The following DTNBP1 variants were observed in gnomAD, a reference collection of about 807,000 sequenced individuals.
DTNBP1 encodes dysbindin.
DTNBP1 carries 35 observed loss-of-function variants against 42.8 expected under a neutral mutation model. That is an observed-to-expected ratio of 0.82 (90% CI 0.63 to 1.09). DTNBP1 has a LOEUF of 1.09. Among genes scored for constraint, DTNBP1 ranks in the 50% least tolerant of loss-of-function variants. The pLI is 0.00. For synonymous variants in DTNBP1, 171 were observed against 162.2 expected, an observed-to-expected ratio of 1.05 and a Z score of -0.41; for missense variants, 457 against 424.2, an observed-to-expected ratio of 1.08 and a Z score of -0.68.
At chr6:15,652,215 T>G (rs1156993612) in intron 1 of DTNBP1, 75 bp from the exon 2 acceptor site, 1 of 1,239,446 alleles carries the variant, frequency 8.1e-7, no homozygotes, top group Non-Finnish European at 1.1e-6. Flanking sequence ...AGGGTCTCAC[T>G]CTGTCGTCCA....
chr6:15,657,713 G>A (rs1761365883), intron 1 of DTNBP1, among the ~76,000 whole-genome samples: 1 of 152,194 alleles, frequency 6.6e-6, no homozygotes, highest in African/African-American at 2.4e-5. Context: ...TATCTGGTTT[G>A]TTCTCTGCTA....
At chr6:15,650,125 G>A (rs1760901750) in intron 3 of DTNBP1, among the ~76,000 whole-genome samples, 1 of 152,160 alleles carries the variant, frequency 6.6e-6, no homozygotes, top group African/African-American at 2.4e-5. Flanking sequence ...AAAGGAAAAT[G>A]TAGGTATCAG....
chr6:15,533,203 G>C, intron 8 of DTNBP1, 37 bp downstream of exon 8: 1 of 1,611,262 alleles, frequency 6.2e-7, no homozygotes, highest in Non-Finnish European at 8.5e-7. Context: ...CGCACAGCCG[G>C]TGAGTCCCCA....
At position 15,627,468 on chromosome 6, in the gene DTNBP1, T is replaced by C; in HGVS notation, c.230A>G (p.Asp77Gly). 6.2e-7 allele frequency: 1 copy of C among 1,613,910 alleles called. No homozygotes were observed. The highest frequency in any genetic ancestry group is 8.5e-7 in the Non-Finnish European group (1 of 1,179,932). The stretch of plus-strand genomic sequence containing the variant: ...CGCAGAAAGCATGACCACCTCGCTA[T>C]CCACCAGCTGCAGCACACAAGAAGG... ...KDCASAGELV[D>G]SEVVMLSAHW... The change falls in exon 5 of 10, where the codon GAT becomes GGT. Residue 77 changes from aspartate (D) to glycine (G), a missense_variant. Asp to Gly is a moderately conservative substitution (Grantham distance 94). Transcript: ENST00000344537.
At position 15,577,466 on chromosome 6, in the gene DTNBP1, G is replaced by A. The variant is rs977900099; in HGVS notation, c.511+15593C>T. On this transcript the variant is annotated intron_variant, in intron 7 of 9. Transcript: ENST00000344537. The stretch of plus-strand genomic sequence containing the variant: ...AAGAAACGGTGAGAGGCAGTTTGTG[G>A]GCAGCACTGGCTGGATTTACTGAAG... 9.9e-5 allele frequency among the ~76,000 whole-genome samples: 15 copies of A among 152,234 alleles called. No homozygotes were observed. The East Asian group carries it at 2.9e-3, about 29-fold the overall frequency.
At chr6:15,660,982 A>G (rs1761576478) in intron 1 of DTNBP1, among the ~76,000 whole-genome samples, 1 of 152,208 alleles carries the variant, frequency 6.6e-6, no homozygotes, top group Non-Finnish European at 1.5e-5. Context: ...TACTTTTACT[A>G]AATAGGGAGA....
Position 15,564,343 on chromosome 6 carries a change from T to C in DTNBP1, c.511+28716A>G, listed in dbSNP as rs575002249. On this transcript the variant is annotated intron_variant, in intron 7 of 9. Transcript: ENST00000344537. ...TAAAGAACTTACACAAAATAAATTT[T>C]AAAAAACTCAACTCAATAATAAGAC... 4.7e-4 allele frequency among the ~76,000 whole-genome samples: 69 copies of C among 148,176 alleles called. 1 individual carries two copies. Among genetic ancestry groups the C allele is most frequent in the East Asian group, 5.9e-4 (3 of 5,110 alleles).
At chr6:15,592,080 T>C (rs1322634771) in intron 7 of DTNBP1, among the ~76,000 whole-genome samples, 1 of 152,230 alleles carries the variant, frequency 6.6e-6, no homozygotes, top group East Asian at 1.9e-4. Context: ...AACAAAGCTG[T>C]TCAATAATAG....
At chr6:15,575,323 A>T (rs1775515141) in intron 7 of DTNBP1, among the ~76,000 whole-genome samples, 1 of 152,240 alleles carries the variant, frequency 6.6e-6, no homozygotes, top group Non-Finnish European at 1.5e-5. Flanking sequence ...ACAATCTGAG[A>T]ACAGACTGAA....
At chr6:15,599,785 T>C (rs780086200) in intron 6 of DTNBP1, among the ~76,000 whole-genome samples, 2 of 152,182 alleles carry the variant, frequency 1.3e-5, no homozygotes, top group South Asian at 2.1e-4. Flanking sequence ...CAGCAACTAA[T>C]TGGCTAAAAA....
chr6:15,547,968 G>GA (rs1345912620), intron 7 of DTNBP1, among the ~76,000 whole-genome samples: 1 of 152,084 alleles, frequency 6.6e-6, no homozygotes, highest in Non-Finnish European at 1.5e-5. Context: ...TTTTAGAGAA[G>GA]AAAAAATACA....
chr6:15,589,641 A>G (rs1324658829), intron 7 of DTNBP1, among the ~76,000 whole-genome samples: 1 of 152,146 alleles, frequency 6.6e-6, no homozygotes, highest in Non-Finnish European at 1.5e-5. Flanking sequence ...TCCTTACGTG[A>G]ATTCTCAAAA....
Position 15,523,139 on chromosome 6 carries a change from A to G in DTNBP1, c.892T>C (p.Ser298Pro). ...PSELRAKPPS[S>P]SSTCTDSATR... ...GCCGAGTCGGTGCAGGTGGAGGAAG[A>G]AGAAGGTGGCTTGGCTCTTAATTCT... The change falls in exon 10 of 10, where the codon TCT (serine) becomes CCT (proline). Residue 298 changes from serine (S) to proline (P), a missense_variant. Physicochemically the swap from Ser to Pro is moderately conservative, Grantham distance 74. Transcript: ENST00000344537. 1 of 1,614,240 alleles carries G rather than the reference A, an allele frequency of 6.2e-7. No homozygotes were observed. The highest frequency in any genetic ancestry group is 8.5e-7 in the Non-Finnish European group (1 of 1,180,036).
chr6:15,612,324 T>C (rs1758452786), intron 6 of DTNBP1, among the ~76,000 whole-genome samples: 3 of 152,208 alleles, frequency 2.0e-5, no homozygotes, highest in South Asian at 2.1e-4. Flanking sequence ...CTACATACTG[T>C]ATAAACATAA....
At chr6:15,646,940 T>C (rs190257854) in intron 3 of DTNBP1, among the ~76,000 whole-genome samples, 17 of 151,952 alleles carry the variant, frequency 1.1e-4, no homozygotes, top group East Asian at 3.9e-4. Context: ...AAAAACCCTT[T>C]TGGGCACTGG....
At chr6:15,526,881 A>C (rs1772441690) in intron 8 of DTNBP1, among the ~76,000 whole-genome samples, 1 of 152,238 alleles carries the variant, frequency 6.6e-6, no homozygotes, top group Non-Finnish European at 1.5e-5. Context: ...TGTAGCAACA[A>C]ATAAGATGGT....
At chr6:15,595,120 C>G in intron 6 of DTNBP1, 1 of 456,492 alleles carries the variant, frequency 2.2e-6, no homozygotes, top group South Asian at 1.5e-5. Flanking sequence ...AACTCCACAA[C>G]TGTCAGCGAA....
intron 6 of DTNBP1, among the ~76,000 whole-genome samples, chr6:15,613,335 C>A (rs145086187): frequency 9.7e-6 from 1 of 102,812 alleles, no homozygotes; most frequent in African/African-American, 3.6e-5. Flanking sequence ...AAAAAAAATG[C>A]CCCTTTTTTG....
intron 7 of DTNBP1, among the ~76,000 whole-genome samples, chr6:15,549,843 T>C (rs939637837): frequency 2.0e-5 from 3 of 152,336 alleles, no homozygotes; most frequent in South Asian, 4.1e-4. Flanking sequence ...TGCATTTTCA[T>C]AGGACACTAC....
Sources: allele counts gnomAD v4.1 joint callset (sites outside exome capture counted in the v4.1 genomes callset), GRCh38; gene constraint gnomAD v4.1.1; transcripts MANE v1.5; gene names NCBI Gene and HGNC (gene_info 2026-07-23, HGNC 2026-07-21).